Variants in CEP112 observed in about 807,000 individuals in gnomAD.
CEP112 encodes centrosomal protein 112.
In CEP112, 127 loss-of-function variants were observed where a neutral mutation model predicts 153.0. That is an observed-to-expected ratio of 0.83 (90% CI 0.72 to 0.96). The LOEUF (loss-of-function observed/expected upper bound fraction) is 0.96. Among genes scored for constraint, CEP112 ranks in the 40% least tolerant of loss-of-function variants. The probability of loss-of-function intolerance (pLI) is 0.00; values close to 1 mark genes in which losing one functional copy is unlikely to be tolerated. For synonymous variants in CEP112, 358 were observed against 374.4 expected, an observed-to-expected ratio of 0.96 and a Z score of 0.51; for missense variants, 1,089 against 1,101.2, an observed-to-expected ratio of 0.99 and a Z score of 0.16.
chr17:66,090,786 T>C (rs957998855), intron 8 of CEP112, among the ~76,000 whole-genome samples: 8 of 152,092 alleles, frequency 5.3e-5, no homozygotes, highest in Non-Finnish European at 1.2e-4. Context: ...ACTATATGCT[T>C]CCTATAAGAA....
intron 16 of CEP112, among the ~76,000 whole-genome samples, chr17:66,026,192 G>T (rs1369385819): frequency 4.6e-5 from 7 of 151,972 alleles, no homozygotes; most frequent in Non-Finnish European, 1.0e-4. Context: ...CATTATTTGG[G>T]TAATGGTTAC....
At chr17:65,753,314 A>G (rs1012962511) in intron 21 of CEP112, among the ~76,000 whole-genome samples, 5 of 152,140 alleles carry the variant, frequency 3.3e-5, no homozygotes, top group Admixed American at 6.5e-5. Context: ...TGTTTGGGGC[A>G]TAATTGTCCA....
At chr17:65,759,902 G>A (rs2145371073) in intron 21 of CEP112, among the ~76,000 whole-genome samples, 1 of 152,242 alleles carries the variant, frequency 6.6e-6, no homozygotes, top group East Asian at 1.9e-4. Flanking sequence ...ATCTTAAGTA[G>A]AAGATGCATT....
intron 18 of CEP112, among the ~76,000 whole-genome samples, chr17:65,955,045 G>A (rs900944437): frequency 3.3e-5 from 5 of 152,120 alleles, no homozygotes; most frequent in Non-Finnish European, 7.4e-5. Context: ...AAAGATCATC[G>A]CCTAGGCACA....
At chr17:65,939,503 C>A (rs1434453624) in intron 18 of CEP112, among the ~76,000 whole-genome samples, 1 of 152,096 alleles carries the variant, frequency 6.6e-6, no homozygotes, top group Non-Finnish European at 1.5e-5. Context: ...TAATAAAAAA[C>A]TACATTAATC....
intron 20 of CEP112, among the ~76,000 whole-genome samples, chr17:65,877,683 C>A (rs1369914178): frequency 6.6e-6 from 1 of 152,076 alleles, no homozygotes; most frequent in East Asian, 1.9e-4. Flanking sequence ...TATGTAAGAA[C>A]ACTATGTAAA....
chr17:66,138,625 A>G (rs1182475896), intron 4 of CEP112, among the ~76,000 whole-genome samples: 2 of 152,224 alleles, frequency 1.3e-5, no homozygotes, highest in Non-Finnish European at 2.9e-5. Context: ...ATCAGCTTAA[A>G]ATAGGTTGTT....
chr17:65,905,697 A>G (rs1264687263), intron 19 of CEP112, among the ~76,000 whole-genome samples: 2 of 152,212 alleles, frequency 1.3e-5, no homozygotes, highest in Non-Finnish European at 2.9e-5. Flanking sequence ...TGGGAGGCTG[A>G]GGCAGGTGGA....
chr17:66,001,353 G>C (rs1320704064), intron 17 of CEP112, among the ~76,000 whole-genome samples: 2 of 152,132 alleles, frequency 1.3e-5, no homozygotes, highest in African/African-American at 2.4e-5. Flanking sequence ...TTAGACCTTT[G>C]TCAGATGCAT....
At chr17:65,884,706 C>CTTTTTTTTTTTTTTTTTTT (rs11370374) in intron 20 of CEP112, among the ~76,000 whole-genome samples, 2 of 130,660 alleles carry the variant, frequency 1.5e-5, no homozygotes, top group Non-Finnish European at 3.1e-5. Context: ...TTTGTAGTTT[C>CTTTTTTTTTTTTTTTTTTT]TTTTTTTTTT....
intron 21 of CEP112, among the ~76,000 whole-genome samples, chr17:65,770,843 T>A (rs2053306086): frequency 6.8e-6 from 1 of 147,314 alleles, no homozygotes; most frequent in Non-Finnish European, 1.5e-5. Flanking sequence ...GCTAATAAGC[T>A]AATAGTAGAA....
chr17:66,152,034 G>A (rs369048176), intron 4 of CEP112, among the ~76,000 whole-genome samples: 48 of 152,184 alleles, frequency 3.2e-4, no homozygotes, highest in South Asian at 6.2e-4. Context: ...ATGAAAACAC[G>A]TATAGCTAGG....
At chr17:65,753,783 GA>G (rs1419918872) in intron 21 of CEP112, among the ~76,000 whole-genome samples, 1 of 152,076 alleles carries the variant, frequency 6.6e-6, no homozygotes, top group Admixed American at 6.6e-5. Context: ...TCACCCACTA[GA>G]AAATCTAAAA....
chr17:65,911,207 T>C (rs1039420181), intron 19 of CEP112, among the ~76,000 whole-genome samples: 15 of 152,322 alleles, frequency 9.8e-5, no homozygotes, highest in African/African-American at 3.6e-4. Flanking sequence ...TATGAAGTTG[T>C]GCAAAAATCC....
At chr17:65,675,804 A>T (rs2047205675) in intron 24 of CEP112, among the ~76,000 whole-genome samples, 1 of 151,920 alleles carries the variant, frequency 6.6e-6, no homozygotes, top group African/African-American at 2.4e-5. Flanking sequence ...ATAACATTAG[A>T]AAATAAACCT....
chr17:65,903,843 A>G (rs947427440), intron 19 of CEP112, among the ~76,000 whole-genome samples: 20 of 145,082 alleles, frequency 1.4e-4, no homozygotes, highest in Middle Eastern at 3.5e-3. Flanking sequence ...CATCACATAA[A>G]CAGAACCAAT....
At chr17:66,080,981 C>A (rs1402632635) in intron 8 of CEP112, among the ~76,000 whole-genome samples, 5 of 149,816 alleles carry the variant, frequency 3.3e-5, no homozygotes, top group African/African-American at 7.4e-5. Context: ...ATGGACACAG[C>A]GAGAGGAACA....
intron 12 of CEP112, among the ~76,000 whole-genome samples, chr17:66,037,454 T>A (rs1360829997): frequency 6.6e-6 from 1 of 152,152 alleles, no homozygotes; most frequent in African/African-American, 2.4e-5. Flanking sequence ...GACATTAGCA[T>A]TTCAAACTAC....
At chr17:66,159,170 T>C (rs1754890298) in intron 4 of CEP112, among the ~76,000 whole-genome samples, 1 of 152,256 alleles carries the variant, frequency 6.6e-6, no homozygotes. Flanking sequence ...AAACCCTGAA[T>C]AGACCAATAA....
Sources: allele counts gnomAD v4.1 joint callset (sites outside exome capture counted in the v4.1 genomes callset), GRCh38; gene constraint gnomAD v4.1.1; transcripts MANE v1.5; gene names NCBI Gene and HGNC (gene_info 2026-07-23, HGNC 2026-07-21).